ERBB4: variants seen among roughly 807,000 people sequenced by gnomAD.
ERBB4 encodes erb-b2 receptor tyrosine kinase 4, also known as receptor tyrosine-protein kinase erbB-4.
Under a neutral mutation model 158.0 loss-of-function variants are expected in ERBB4, and 42 were observed. The ratio of observed to expected loss-of-function variants is 0.27; its 90% CI spans 0.21 to 0.34. ERBB4 has a LOEUF of 0.34. Ranked by LOEUF, ERBB4 falls within the 10% of genes least tolerant of loss-of-function variation. The pLI is 1.00. For synonymous variants in ERBB4, 583 were observed against 558.7 expected, an observed-to-expected ratio of 1.04 and a Z score of -0.61; for missense variants, 1,333 against 1,624.1, an observed-to-expected ratio of 0.82 and a Z score of 3.08.
intron 1 of ERBB4, among the ~76,000 whole-genome samples, chr2:212,512,952 A>G (rs1377826332): frequency 6.6e-6 from 1 of 152,156 alleles, no homozygotes. Context: ...TCTTGAGATT[A>G]TTTCTTTCAA....
chr2:211,939,499 A>G (rs2080426407), intron 3 of ERBB4, among the ~76,000 whole-genome samples: 1 of 152,064 alleles, frequency 6.6e-6, no homozygotes, highest in Non-Finnish European at 1.5e-5. Context: ...AGAGAACAAC[A>G]TGTAGCCTCA....
chr2:211,989,799 T>C (rs770688981), intron 2 of ERBB4, among the ~76,000 whole-genome samples: 10 of 151,958 alleles, frequency 6.6e-5, no homozygotes, highest in Non-Finnish European at 1.5e-4. Context: ...TAGCACTATA[T>C]AAAAAGAACA....
chr2:212,491,948 T>C (rs1290392967), intron 1 of ERBB4, among the ~76,000 whole-genome samples: 1 of 151,510 alleles, frequency 6.6e-6, no homozygotes, highest in Non-Finnish European at 1.5e-5. Context: ...TTGTACACAA[T>C]GTTCCATACA....
chr2:211,514,475 T>C (rs2065972223), intron 20 of ERBB4, among the ~76,000 whole-genome samples: 1 of 152,070 alleles, frequency 6.6e-6, no homozygotes, highest in Non-Finnish European at 1.5e-5. Flanking sequence ...TTTGAGTATA[T>C]TCAGAAAAAA....
chr2:211,511,255 CA>C (rs2065878214), intron 20 of ERBB4, among the ~76,000 whole-genome samples: 1 of 151,862 alleles, frequency 6.6e-6, no homozygotes, highest in African/African-American at 2.4e-5. Context: ...TATTATCTAG[CA>C]TTGTATTTTT....
chr2:211,969,253 C>T (rs554739330), intron 2 of ERBB4, among the ~76,000 whole-genome samples: 28 of 151,940 alleles, frequency 1.8e-4, no homozygotes, highest in Admixed American at 1.4e-3. Context: ...ACATTATATG[C>T]CGAGTTGGAT....
At chr2:212,062,595 G>A (rs2077814103) in intron 2 of ERBB4, among the ~76,000 whole-genome samples, 1 of 151,700 alleles carries the variant, frequency 6.6e-6, no homozygotes, top group African/African-American at 2.4e-5. Context: ...TTAGTACAGA[G>A]GGGGTTTCAC....
At chr2:211,525,824 T>G (rs2066331836) in intron 20 of ERBB4, among the ~76,000 whole-genome samples, 1 of 152,052 alleles carries the variant, frequency 6.6e-6, no homozygotes, top group Admixed American at 6.5e-5. Context: ...CCCATGGGCC[T>G]GTAGTGGTGG....
rs1279417140 is a variant in ERBB4 at position 212,364,618 on chromosome 2, T to A, written c.82+173831A>T. On this transcript the variant is annotated intron_variant, in intron 1 of 27. Transcript: ENST00000342788. ...TTGATTATTATGGCAAATTATACCT[T>A]TGCTATTCAGGAGAGGGCAAAAAAG... is the stretch of plus-strand genomic sequence containing the variant. Among the ~76,000 whole-genome samples the A allele has an allele frequency of 3.3e-5, 5 of 151,766 alleles. No individual in the cohort carries two copies. In the Admixed American group the frequency reaches 3.3e-4, roughly 10 times the overall value.
intron 1 of ERBB4, 121 bp from the exon 2 acceptor site, chr2:212,125,024 T>A (rs1036119028): frequency 1.2e-5 from 15 of 1,235,134 alleles, no homozygotes; most frequent in Admixed American, 1.9e-5. Context: ...ATATAAATAT[T>A]TCGATCGTCA....
chr2:212,058,210 G>C (rs1048168014), intron 2 of ERBB4, among the ~76,000 whole-genome samples: 1 of 152,108 alleles, frequency 6.6e-6, no homozygotes. Context: ...TAAATTCCTG[G>C]ACACATACAC....
At chr2:212,218,739 G>A (rs1291837905) in intron 1 of ERBB4, among the ~76,000 whole-genome samples, 4 of 151,298 alleles carry the variant, frequency 2.6e-5, no homozygotes, top group Non-Finnish European at 4.4e-5. Context: ...GGCTCATGCT[G>A]GCACATATCA....
chr2:211,947,324 G>A, intron 3 of ERBB4, 106 bp downstream of exon 3: 3 of 887,250 alleles, frequency 3.4e-6, no homozygotes, highest in Non-Finnish European at 5.5e-6. Flanking sequence ...ATATTTAAAT[G>A]CCTTAGAGTG....
At chr2:211,550,325 T>C (rs1301369115) in intron 20 of ERBB4, among the ~76,000 whole-genome samples, 2 of 151,842 alleles carry the variant, frequency 1.3e-5, no homozygotes, top group African/African-American at 4.8e-5. Context: ...CCAAAGCCCC[T>C]GATAGCCACC....
At chr2:212,472,341 G>A (rs2106121365) in intron 1 of ERBB4, among the ~76,000 whole-genome samples, 1 of 151,902 alleles carries the variant, frequency 6.6e-6, no homozygotes, top group East Asian at 1.9e-4. Flanking sequence ...GGGAAATAGA[G>A]GCTCAAGAAA....
At chr2:211,763,900 A>G (rs1314475344) in intron 4 of ERBB4, among the ~76,000 whole-genome samples, 1 of 151,812 alleles carries the variant, frequency 6.6e-6, no homozygotes, top group East Asian at 1.9e-4. Flanking sequence ...GTGTGTATAC[A>G]CACACACACA....
In ERBB4 at chr2:211,662,038, C is replaced by CAAAAAAAAAAAAAAA. The variant is rs61318918; in HGVS notation, c.1871+3270_1871+3284dup. Among the ~76,000 whole-genome samples, 15 of 39,708 alleles carry CAAAAAAAAAAAAAAA rather than the reference C, an allele frequency of 3.8e-4. 2 individuals carry two copies. The highest frequency in any genetic ancestry group is 6.9e-4 in the African/African-American group (8 of 11,640). 26.0% of individuals were successfully genotyped at this position (39,708 alleles called of 152,430 possible). ...TGGGCGACAGAGCGGGACTCCGTCT[C>CAAAAAAAAAAAAAAA]AAAAAAAAAAAAAAAAAAAAAAAAA... On this transcript the variant is annotated intron_variant, in intron 15 of 27. Transcript: ENST00000342788.
chr2:211,870,644 C>T (rs958264000), intron 3 of ERBB4, among the ~76,000 whole-genome samples: 1 of 152,084 alleles, frequency 6.6e-6, no homozygotes, highest in Non-Finnish European at 1.5e-5. Context: ...TGTTATAGTG[C>T]ATGTGAAGCA....
intron 1 of ERBB4, among the ~76,000 whole-genome samples, chr2:212,296,310 A>G (rs1226491608): frequency 2.6e-5 from 4 of 151,916 alleles, no homozygotes; most frequent in African/African-American, 4.8e-5. Flanking sequence ...CTGGGATAAT[A>G]TAGGAGAATT....
Sources: allele counts gnomAD v4.1 joint callset (sites outside exome capture counted in the v4.1 genomes callset), GRCh38; gene constraint gnomAD v4.1.1; transcripts MANE v1.5; gene names NCBI Gene and HGNC (gene_info 2026-07-23, HGNC 2026-07-21).